Variants in NDP observed in about 807,000 individuals in gnomAD.
The protein encoded by NDP is norrin.
In NDP, 2 loss-of-function variants were observed where a neutral mutation model predicts 8.4. That is an observed-to-expected ratio of 0.24 (90% CI 0.10 to 0.75). The LOEUF is 0.75. NDP is among the 30% of genes least tolerant of loss of function. The pLI is 0.73. For synonymous variants in NDP, 55 were observed against 45.6 expected (o/e 1.21, Z -0.83); for missense variants, 81 against 110.1 (o/e 0.74, Z 1.18).
At chrX:43,971,313 A>G (rs375389147) in intron 1 of NDP, among the ~76,000 whole-genome samples, 2 of 112,554 alleles carry the variant, frequency 1.8e-5, no homozygotes, top group African/African-American at 6.5e-5. Flanking sequence ...TGAGTTCTTA[A>G]AATAAAGATT....
At position 43,958,725 on chromosome X, in the gene NDP, G is replaced by A; in HGVS notation, c.-80C>T. 3.5e-6 allele frequency: 3 copies of A among 865,047 alleles called. No individual in the cohort carries two copies. The highest frequency in any genetic ancestry group is 5.1e-6 in the Non-Finnish European group (3 of 589,758). 71.3% of individuals were successfully genotyped at this position (865,047 alleles called of 1,213,427 possible). On this transcript the variant is annotated 5_prime_UTR_variant, in exon 2 of 3. Coordinates refer to ENST00000642620, the MANE Select transcript of NDP (RefSeq NM_000266.4). ...AATTGGAAATGGCTTCACCTCCTAG[G>A]ATCCAGTCCCGTTCAAGGAAAGGGC...
intron 2 of NDP, among the ~76,000 whole-genome samples, chrX:43,952,884 A>G (rs1333496825): frequency 1.8e-5 from 2 of 111,290 alleles, no homozygotes; most frequent in African/African-American, 3.3e-5. Flanking sequence ...CTTACTTACA[A>G]CTATTCTCAT....
chrX:43,963,770 A>G (rs143020529), intron 1 of NDP, among the ~76,000 whole-genome samples: 300 of 112,512 alleles, frequency 2.7e-3, no homozygotes, highest in African/African-American at 9.2e-3. Context: ...AATAAGTCAA[A>G]TGCCTCTTCC....
At chrX:43,959,605 A>G (rs1286624306) in intron 1 of NDP, among the ~76,000 whole-genome samples, 1 of 111,608 alleles carries the variant, frequency 9.0e-6, no homozygotes, top group East Asian at 2.8e-4. Flanking sequence ...AAATAGGATC[A>G]TATTATACCG....
intron 2 of NDP, among the ~76,000 whole-genome samples, chrX:43,956,774 A>G (rs776089815): frequency 3.6e-5 from 4 of 112,098 alleles, no homozygotes; most frequent in Non-Finnish European, 7.5e-5. Flanking sequence ...TGCTATCACA[A>G]TTTTGCGCTG....
chrX:43,961,181 C>T (rs910996856), intron 1 of NDP, among the ~76,000 whole-genome samples: 2 of 112,655 alleles, frequency 1.8e-5, no homozygotes, highest in African/African-American at 3.2e-5. Flanking sequence ...ACCCTATTGG[C>T]AAGGCTGTGG....
At chrX:43,956,781 G>A (rs868002455) in intron 2 of NDP, among the ~76,000 whole-genome samples, 2 of 112,077 alleles carry the variant, frequency 1.8e-5, no homozygotes, top group South Asian at 3.7e-4. Flanking sequence ...ACAATTTTGC[G>A]CTGTTATTTG....
rs1412341294 is a variant in NDP, at chrX:43,949,688, G to C, written c.*111C>G. 2.9e-6 allele frequency: 2 copies of C among 688,442 alleles called. No individual in the cohort carries two copies. Among genetic ancestry groups the C allele is most frequent in the Non-Finnish European group, 4.5e-6 (2 of 440,826 alleles). The allele number at this position is 688,442 out of a possible 1,213,427, so 56.7% of individuals were successfully genotyped here. On this transcript the variant is annotated 3_prime_UTR_variant, in exon 3 of 3. Coordinates refer to ENST00000642620, the MANE Select transcript of NDP (RefSeq NM_000266.4). ...ATTACTAGAATATGCAGAGTCCCGG[G>C]AGAATTGTTGCATCCTTTTTTGCCT...
At chrX:43,954,246 G>A (rs1289907697) in intron 2 of NDP, among the ~76,000 whole-genome samples, 1 of 110,889 alleles carries the variant, frequency 9.0e-6, no homozygotes, top group Non-Finnish European at 1.9e-5. Context: ...AGGGACCCAG[G>A]TCAACCTCCA....
chrX:43,968,285 C>T (rs2035870111), intron 1 of NDP, among the ~76,000 whole-genome samples: 2 of 112,128 alleles, frequency 1.8e-5, no homozygotes, highest in African/African-American at 6.5e-5. Flanking sequence ...ATGAAGGGGA[C>T]AGTGCACATG....
chrX:43,963,224 G>A (rs1157631899), intron 1 of NDP, among the ~76,000 whole-genome samples: 2 of 111,972 alleles, frequency 1.8e-5, no homozygotes, highest in Non-Finnish European at 3.8e-5. Context: ...CCTACTGTGT[G>A]TCTCCTTTTG....
intron 2 of NDP, among the ~76,000 whole-genome samples, chrX:43,953,753 A>C (rs758503489): frequency 8.8e-6 from 1 of 113,321 alleles, no homozygotes; most frequent in South Asian, 3.6e-4. Flanking sequence ...GCTGGAATCA[A>C]ACCAAGGTCT....
intron 1 of NDP, among the ~76,000 whole-genome samples, chrX:43,972,580 C>A (rs1056275530): frequency 9.0e-6 from 1 of 111,245 alleles, no homozygotes; most frequent in Non-Finnish European, 1.9e-5. Flanking sequence ...AAATAACCCC[C>A]TGCAATAAGT....
chrX:43,949,979 G>T lies in NDP; in HGVS notation c.222C>A (p.Arg74=), dbSNP rs1463589562. 8.3e-7 allele frequency: 1 copy of T among 1,208,142 alleles called. No homozygotes were observed. The change falls in exon 3 of 3, where the codon CGC becomes CGA. Residue 74 remains arginine, a synonymous_variant. Transcript: ENST00000642620. ...TGCTGAACGACACCAAAGGCTCGGA[G>T]CGTGACGCCTGGCTGCAGTGCCCCT... ...RCEGHCSQAS[R]SEPLVSFSTV...
At chrX:43,960,246 G>A (rs1222766038) in intron 1 of NDP, among the ~76,000 whole-genome samples, 1 of 111,855 alleles carries the variant, frequency 8.9e-6, no homozygotes, top group Non-Finnish European at 1.9e-5. Context: ...CCATTAATTA[G>A]CTGGGGAAGC....
chrX:43,949,785 C>A lies in NDP; in HGVS notation c.*14G>T, dbSNP rs73475744. 7 of 1,162,618 alleles carry A rather than the reference C, an allele frequency of 6.0e-6. No homozygotes were observed. Among genetic ancestry groups the A allele is most frequent in the Non-Finnish European group, 8.1e-6 (7 of 868,676 alleles). ...ACAGTTGTCCCATCCAGAAGCCACA[C>A]ACAGCAGCGGGCCTCAGGAATTGCA... On this transcript the variant is annotated 3_prime_UTR_variant, in exon 3 of 3. Transcript: ENST00000642620.
chrX:43,948,993 G>A lies in NDP; in HGVS notation c.*806C>T, dbSNP rs967009417. 1 of 111,589 alleles carries A rather than the reference G, an allele frequency of 9.0e-6. No homozygotes were observed. Among genetic ancestry groups the A allele is most frequent in the Non-Finnish European group, 1.9e-5 (1 of 53,179 alleles). 9.2% of individuals were successfully genotyped at this position (111,589 alleles called of 1,213,427 possible). A position where few individuals can be genotyped will look rare whatever the true frequency, so the allele number is the denominator to read the frequency against. ...AGATTCATACTTGGTTGTCTAATTT[G>A]CATGCATGAGTATGGTGCATTCTCC... On this transcript the variant is annotated 3_prime_UTR_variant, in exon 3 of 3. Coordinates refer to ENST00000642620, the MANE Select transcript of NDP (RefSeq NM_000266.4).
chrX:43,971,928 A>G (rs2035893108), intron 1 of NDP, among the ~76,000 whole-genome samples: 2 of 111,863 alleles, frequency 1.8e-5, no homozygotes. Flanking sequence ...AATTAGTAAG[A>G]CTGATGAGAA....
At chrX:43,958,405 A>G (rs1364361992) in intron 2 of NDP, 67 bp downstream of exon 2, 6 of 1,144,789 alleles carry the variant, frequency 5.2e-6, no homozygotes, top group African/African-American at 1.8e-5. Flanking sequence ...CCATCCCCTG[A>G]CAAAGAAATA....
Sources: allele counts gnomAD v4.1 joint callset (sites outside exome capture counted in the v4.1 genomes callset), GRCh38; gene constraint gnomAD v4.1.1; transcripts MANE v1.5; gene names NCBI Gene and HGNC (gene_info 2026-07-23, HGNC 2026-07-21).